NAALADL2: variants seen among roughly 807,000 people sequenced by gnomAD.
NAALADL2 encodes N-acetylated alpha-linked acidic dipeptidase like 2, also known as inactive N-acetylated-alpha-linked acidic dipeptidase-like protein 2.
In NAALADL2, 76 loss-of-function variants were observed where a neutral mutation model predicts 87.2. The observed-to-expected ratio is 0.87, with a 90% CI of 0.72 to 1.05. The LOEUF is 1.05. Among genes scored for constraint, NAALADL2 ranks in the 50% least tolerant of loss-of-function variants. The pLI is 0.00. For missense variants in NAALADL2, 1,089 were observed against 945.8 expected (o/e 1.15, Z -1.99); for synonymous variants, 354 against 331.0 (o/e 1.07, Z -0.75).
chr3:174,695,862 G>A (rs568689061), intron 2 of NAALADL2, among the ~76,000 whole-genome samples: 1 of 151,948 alleles, frequency 6.6e-6, no homozygotes, highest in Non-Finnish European at 1.5e-5. Context: ...GCCTGCAAAA[G>A]TAACATCCCT....
chr3:175,096,788 A>C lies in NAALADL2; in HGVS notation c.44-2A>C. ...TAAAATATATTTTTCTTATTTTCAC[A>C]GGTAAAAAGATGGCCTATCAGAAGG... On this transcript the variant is annotated splice_acceptor_variant, in intron 1 of 13. Coordinates refer to ENST00000454872, the MANE Select transcript of NAALADL2 (RefSeq NM_207015.3). LOFTEE classifies it high-confidence loss of function. 1 of 1,458,852 alleles carries C rather than the reference A, an allele frequency of 6.9e-7. No homozygotes were observed. Among genetic ancestry groups the C allele is most frequent in the Non-Finnish European group, 9.1e-7 (1 of 1,100,736 alleles). 90.4% of individuals were successfully genotyped at this position (1,458,852 alleles called of 1,614,324 possible).
intron 1 of NAALADL2, among the ~76,000 whole-genome samples, chr3:174,541,358 T>TG (rs1722203274): frequency 6.6e-6 from 1 of 152,192 alleles, no homozygotes; most frequent in Non-Finnish European, 1.5e-5. Flanking sequence ...TTCCAATTTA[T>TG]GTTCTTCTAA....
At chr3:175,718,590 C>T (rs1301921881) in intron 11 of NAALADL2, 1 of 1,593,968 alleles carries the variant, frequency 6.3e-7, no homozygotes, top group Non-Finnish European at 8.6e-7. Context: ...TCTCCTACTC[C>T]TTTCTGGCCT....
upstream of NAALADL2, among the ~76,000 whole-genome samples, chr3:174,858,385 A>T (rs558878400): frequency 6.6e-6 from 1 of 152,040 alleles, no homozygotes; most frequent in Non-Finnish European, 1.5e-5. Context: ...ACAAATGAAT[A>T]TTTAAAGATA....
chr3:175,035,420 A>G (rs1008265846), intron 1 of NAALADL2, among the ~76,000 whole-genome samples: 7 of 152,124 alleles, frequency 4.6e-5, no homozygotes, highest in African/African-American at 9.7e-5. Flanking sequence ...TAGGAGAGCA[A>G]TATAAGATAA....
At chr3:174,983,785 C>A (rs1300233773) in intron 1 of NAALADL2, among the ~76,000 whole-genome samples, 1 of 152,078 alleles carries the variant, frequency 6.6e-6, no homozygotes, top group Non-Finnish European at 1.5e-5. Context: ...AATATTTAGA[C>A]CATAGCAATT....
intron 13 of NAALADL2, among the ~76,000 whole-genome samples, chr3:175,782,532 C>T (rs539391117): frequency 3.3e-3 from 449 of 137,128 alleles, no homozygotes; most frequent in Non-Finnish European, 4.5e-3. Flanking sequence ...TCATGTCCTT[C>T]GCCCACTTTT....
intron 5 of NAALADL2, among the ~76,000 whole-genome samples, chr3:175,417,103 A>G (rs1295046146): frequency 1.5e-5 from 2 of 135,972 alleles, no homozygotes; most frequent in Non-Finnish European, 3.2e-5. Flanking sequence ...GCCAAAATAC[A>G]GAGGAAGAGA....
Position 175,350,055 on chromosome 3 carries a change from G to GAAAA in NAALADL2, c.1090+25740_1090+25743dup, listed in dbSNP as rs138836041. Among the ~76,000 whole-genome samples, 81 of 142,464 alleles carry GAAAA rather than the reference G, an allele frequency of 5.7e-4. 1 individual carries two copies. Among genetic ancestry groups the GAAAA allele is most frequent in the African/African-American group, 1.9e-3 (72 of 38,574 alleles). 93.5% of individuals were successfully genotyped at this position (142,464 alleles called of 152,430 possible). On this transcript the variant is annotated intron_variant, in intron 5 of 13. Coordinates refer to ENST00000454872, the MANE Select transcript of NAALADL2 (RefSeq NM_207015.3). The stretch of plus-strand genomic sequence containing the variant: ...CCAGTTACAAACACAAGGCTTGATT[G>GAAAA]AAAAAAAAAAAAAGGATAAACTTAA...
intron 1 of NAALADL2, among the ~76,000 whole-genome samples, chr3:175,079,653 A>AT (rs2109224693): frequency 6.6e-6 from 1 of 152,304 alleles, no homozygotes; most frequent in Admixed American, 6.5e-5. Flanking sequence ...ATGATTTTTA[A>AT]TTTTTGGAAT....
rs560374662 is a variant in NAALADL2, at chr3:175,589,337, A to G, written c.1800+13150A>G. Among the ~76,000 whole-genome samples the G allele has an allele frequency of 1.5e-3, 189 of 121,948 alleles. 1 individual carries two copies. Among genetic ancestry groups the G allele is most frequent in the Admixed American group, 3.6e-3 (42 of 11,766 alleles). The allele number at this position is 121,948 out of a possible 152,430, so 80.0% of individuals were successfully genotyped here. ...AATAAATGGATAAATCAATGTATGG[A>G]TACAATTTGTTGTTACCATTTTGAT... On this transcript the variant is annotated intron_variant, in intron 10 of 13. Transcript: ENST00000454872.
intron 2 of NAALADL2, among the ~76,000 whole-genome samples, chr3:175,135,359 T>C (rs2108676075): frequency 6.6e-6 from 1 of 152,282 alleles, no homozygotes; most frequent in Non-Finnish European, 1.5e-5. Context: ...CTTCATACGG[T>C]AATAAAAATA....
chr3:175,129,958 C>A (rs1449838862), intron 2 of NAALADL2, among the ~76,000 whole-genome samples: 1 of 152,178 alleles, frequency 6.6e-6, no homozygotes, highest in Non-Finnish European at 1.5e-5. Flanking sequence ...TTCTCCACAT[C>A]CTTGCCAACA....
intron 13 of NAALADL2, among the ~76,000 whole-genome samples, chr3:175,756,499 G>A (rs1327599486): frequency 1.3e-5 from 2 of 152,234 alleles, no homozygotes; most frequent in East Asian, 3.9e-4. Flanking sequence ...GTCATCAGAA[G>A]GAATGAAATC....
chr3:174,901,133 A>G (rs1005463993), intron 1 of NAALADL2, among the ~76,000 whole-genome samples: 6 of 152,174 alleles, frequency 3.9e-5, no homozygotes, highest in Non-Finnish European at 8.8e-5. Flanking sequence ...AGGGGTTAAA[A>G]GTGTCAGTTG....
rs372517580 is a variant in NAALADL2, at chr3:175,324,028, C to CAAAAAA, written c.940-137_940-132dup. The CAAAAAA allele has an allele frequency of 7.3e-3, 3,113 of 428,268 alleles. 6 individuals carry two copies. The highest frequency in any genetic ancestry group is 0.011 in the Admixed American group (199 of 18,732). The allele number at this position is 428,268 out of a possible 1,614,324, so 26.5% of individuals were successfully genotyped here. On this transcript the variant is annotated intron_variant, in intron 4 of 13. Transcript: ENST00000454872. ...GCGAGACTCCATCTCAAAAAACAAA[C>CAAAAAA]AAAAAAAAAAAAAAAGAAAAAGAAA...
rs71164634 is a variant in NAALADL2 at position 175,465,473 on chromosome 3, C to CTTTTTTTTTTTTTT, written c.1328-1500_1328-1487dup. 1.2e-3 allele frequency among the ~76,000 whole-genome samples: 124 copies of CTTTTTTTTTTTTTT among 106,730 alleles called. 5 individuals are homozygous for CTTTTTTTTTTTTTT. The highest frequency in any genetic ancestry group is 4.1e-3 in the African/African-American group (109 of 26,442). 70.0% of individuals were successfully genotyped at this position (106,730 alleles called of 152,430 possible). A position where few individuals can be genotyped will look rare whatever the true frequency, so the allele number is the denominator to read the frequency against. ...ACACTATGTATACCATGAATTAAAT[C>CTTTTTTTTTTTTTT]TTTTTTTTTTTTTTTTTTTGAGATG... On this transcript the variant is annotated intron_variant, in intron 7 of 13. Coordinates refer to ENST00000454872, the MANE Select transcript of NAALADL2 (RefSeq NM_207015.3).
At chr3:174,775,562 A>C (rs1342107714) in intron 3 of NAALADL2, among the ~76,000 whole-genome samples, 1 of 151,734 alleles carries the variant, frequency 6.6e-6, no homozygotes, top group Non-Finnish European at 1.5e-5. Flanking sequence ...AATTGTAGAA[A>C]TGCAGTTAAG....
At chr3:174,979,507 G>C (rs545312233) in intron 1 of NAALADL2, among the ~76,000 whole-genome samples, 36 of 151,418 alleles carry the variant, frequency 2.4e-4, no homozygotes, top group Non-Finnish European at 4.6e-4. Flanking sequence ...GGGTTTCACC[G>C]TGTTAGCCAG....
Sources: gnomAD v4.1 joint callset for allele counts (sites outside exome capture counted in the v4.1 genomes callset) on GRCh38, gnomAD v4.1.1 for gene constraint, MANE v1.5 for transcripts, NCBI Gene and HGNC (gene_info 2026-07-23, HGNC 2026-07-21) for gene names.